The following MARCO variants were observed in gnomAD, a reference collection of about 807,000 sequenced individuals.
MARCO encodes macrophage receptor with collagenous structure.
A neutral mutation model predicts 70.0 loss-of-function variants in MARCO; 72 were observed. That is an observed-to-expected ratio of 1.03 (90% confidence interval 0.85 to 1.25). MARCO has a LOEUF of 1.25. Among genes scored for constraint, MARCO ranks in the 50% most tolerant of loss-of-function variants. The pLI is 0.00. For synonymous variants in MARCO, 273 were observed against 243.1 expected (o/e 1.12, Z -1.14); for missense variants, 696 against 659.3 (o/e 1.06, Z -0.61).
At chr2:118,951,117 T>C (rs958473373) in intron 1 of MARCO, among the ~76,000 whole-genome samples, 3 of 152,192 alleles carry the variant, frequency 2.0e-5, no homozygotes, top group Admixed American at 6.5e-5. Flanking sequence ...TATTAGGCAA[T>C]TTTCCTAACT....
intron 1 of MARCO, among the ~76,000 whole-genome samples, chr2:118,956,326 G>C (rs1048601437): frequency 6.6e-6 from 1 of 152,142 alleles, no homozygotes; most frequent in African/African-American, 2.4e-5. Context: ...GACACCAAAA[G>C]TGAGCAGGGG....
intron 1 of MARCO, among the ~76,000 whole-genome samples, chr2:118,955,049 G>GAA (rs34589569): frequency 7.1e-6 from 1 of 141,522 alleles, no homozygotes; most frequent in Non-Finnish European, 1.6e-5. Flanking sequence ...GCCAAAAATA[G>GAA]AAAAAAAAAA....
Position 118,970,274 on chromosome 2 carries a change from C to G in MARCO, c.360C>G (p.Leu120=). The part of the protein sequence containing the change: ...ASRLQVLQAQ[L]TWVRVSHEHL... ...GGCTGCAAGTCCTGCAGGCCCAACT[C>G]ACCTGGGTCCGCGTCAGCCATGAGC... The change falls in exon 3 of 17, where the codon CTC becomes CTG. Residue 120 remains leucine (L), a synonymous_variant. Coordinates refer to ENST00000327097, the MANE Select transcript of MARCO (RefSeq NM_006770.4). The G allele has an allele frequency of 1.9e-6, 3 of 1,614,138 alleles. No homozygotes were observed. The highest frequency in any genetic ancestry group is 2.5e-6 in the Non-Finnish European group (3 of 1,180,034).
At position 118,977,873 on chromosome 2, in the gene MARCO, G is replaced by A; in HGVS notation, c.704G>A (p.Gly235Asp). Residue 235 changes from glycine (G) to aspartate (D), a missense_variant, in exon 8 of 17, where the codon GGT (glycine) becomes GAT (aspartate). Gly to Asp is a moderately conservative substitution (Grantham distance 94, BLOSUM62 -1). Around this residue, in one of 3 missense-constraint regions of MARCO, gnomAD observed 605 missense variants for 537.6 expected, o/e 1.13. Coordinates refer to ENST00000327097, the MANE Select transcript of MARCO (RefSeq NM_006770.4). Reference protein sequence around the residue: ...QGEKGSKGDGGLIGPKGETGT... With the variant: ...QGEKGSKGDGDLIGPKGETGT... ...GAGAAGGGCAGCAAAGGCGATGGGG[G>A]TCTCATTGGCCCAAAAGGGGAAACT... 6.2e-7 allele frequency: 1 copy of A among 1,613,116 alleles called. No individual in the cohort carries two copies. Among genetic ancestry groups the A allele is most frequent in the Non-Finnish European group, 8.5e-7 (1 of 1,179,640 alleles).
intron 8 of MARCO, among the ~76,000 whole-genome samples, chr2:118,978,171 T>A (rs1161918467): frequency 1.3e-5 from 2 of 152,096 alleles, no homozygotes; most frequent in Non-Finnish European, 2.9e-5. Context: ...GCACAGGCAG[T>A]GCTAGGAGCT....
intron 6 of MARCO, among the ~76,000 whole-genome samples, chr2:118,977,242 T>C (rs1243251220): frequency 6.6e-6 from 1 of 151,656 alleles, no homozygotes; most frequent in Non-Finnish European, 1.5e-5. Flanking sequence ...AAACACTGCC[T>C]GGAACTGCCA....
intron 10 of MARCO, 21 bp from the exon 11 acceptor site, chr2:118,982,135 C>A: frequency 6.3e-7 from 1 of 1,578,526 alleles, no homozygotes; most frequent in Non-Finnish European, 8.7e-7. Context: ...CACAGCCTGG[C>A]AGTCACTACT....
intron 14 of MARCO, among the ~76,000 whole-genome samples, chr2:118,992,178 C>T (rs529230010): frequency 2.6e-5 from 4 of 152,182 alleles, no homozygotes; most frequent in African/African-American, 9.6e-5. Context: ...CATCCCACTC[C>T]ATATCTCTGA....
intron 12 of MARCO, among the ~76,000 whole-genome samples, chr2:118,989,719 C>G (rs1195270370): frequency 6.6e-6 from 1 of 152,210 alleles, no homozygotes; most frequent in Non-Finnish European, 1.5e-5. Flanking sequence ...TGGCTGGGGA[C>G]ACAGATACTT....
chr2:118,949,866 C>A (rs1238580095), intron 1 of MARCO: 1 of 152,090 alleles, frequency 6.6e-6, no homozygotes, highest in Non-Finnish European at 1.5e-5. Context: ...AGAATGTGAT[C>A]CCCAGGCTGA....
chr2:118,962,488 G>A (rs1424894200), intron 1 of MARCO, among the ~76,000 whole-genome samples: 2 of 152,126 alleles, frequency 1.3e-5, no homozygotes, highest in Non-Finnish European at 1.5e-5. Flanking sequence ...ATTGTGAATG[G>A]AAGTTCATTC....
chr2:118,969,099 G>A, intron 1 of MARCO, 61 bp from the exon 2 acceptor site: 1 of 1,219,040 alleles, frequency 8.2e-7, no homozygotes, highest in Non-Finnish European at 1.2e-6. Flanking sequence ...CCTGGAGCAG[G>A]CAGGGACTTC....
intron 4 of MARCO, among the ~76,000 whole-genome samples, chr2:118,973,257 G>GAA (rs1198939663): frequency 6.6e-6 from 1 of 151,710 alleles, no homozygotes; most frequent in Non-Finnish European, 1.5e-5. Context: ...TGTACATAGA[G>GAA]AAAAACTCCA....
At chr2:118,949,024 T>C (rs1165605238) in intron 1 of MARCO, among the ~76,000 whole-genome samples, 1 of 152,198 alleles carries the variant, frequency 6.6e-6, no homozygotes, top group African/African-American at 2.4e-5. Flanking sequence ...CTGTTAAGTC[T>C]CCAAGGAATG....
chr2:118,945,477 A>G (rs1283547972), intron 1 of MARCO, among the ~76,000 whole-genome samples: 1 of 145,430 alleles, frequency 6.9e-6, no homozygotes, highest in Non-Finnish European at 1.5e-5. Context: ...CAGGGGAGCG[A>G]TCTCGGCTCA....
At chr2:118,983,955 T>C (rs941325380) in intron 12 of MARCO, among the ~76,000 whole-genome samples, 2 of 152,154 alleles carry the variant, frequency 1.3e-5, no homozygotes, top group African/African-American at 2.4e-5. Context: ...TGCCCTGCCC[T>C]TTGCATCCTG....
Position 118,991,761 on chromosome 2 carries a change from G to C in MARCO, c.1109-16G>C. On this transcript the variant is annotated splice_polypyrimidine_tract_variant and intron_variant, in intron 13 of 16. Transcript: ENST00000327097. ...CAAAGCAGGGCACCTGATCAGGGCA[G>C]TGTCTCTCCTTCCAGGCCCTGCAGG... is the stretch of plus-strand genomic sequence containing the variant. The C allele has an allele frequency of 6.5e-7, 1 of 1,527,144 alleles. No homozygotes were observed. The highest frequency in any genetic ancestry group is 8.9e-7 in the Non-Finnish European group (1 of 1,122,908). The allele number at this position is 1,527,144 out of a possible 1,614,324, so 94.6% of individuals were successfully genotyped here.
chr2:118,955,577 C>T (rs1679819644), intron 1 of MARCO, among the ~76,000 whole-genome samples: 1 of 152,144 alleles, frequency 6.6e-6, no homozygotes, highest in Non-Finnish European at 1.5e-5. Context: ...GAGACTTAGA[C>T]ATGGAAACAC....
chr2:118,993,338 G>A (rs1360385233), intron 16 of MARCO, 38 bp downstream of exon 16: 1 of 1,599,346 alleles, frequency 6.3e-7, no homozygotes, highest in Non-Finnish European at 8.6e-7. Flanking sequence ...TTCCCCAGAG[G>A]TGTGGATGTG....
Sources: gnomAD v4.1 joint callset for allele counts (sites outside exome capture counted in the v4.1 genomes callset) on GRCh38, gnomAD v4.1.1 for gene constraint, gnomAD v4.1.1 regional missense constraint, MANE v1.5 for transcripts, NCBI Gene and HGNC (gene_info 2026-07-23, HGNC 2026-07-21) for gene names.